MMRN2: variants seen among roughly 807,000 people sequenced by gnomAD.
The protein encoded by MMRN2 is multimerin 2.
Under a neutral mutation model 68.8 loss-of-function variants are expected in MMRN2, and 53 were observed. The ratio of observed to expected loss-of-function variants is 0.77; its 90% CI spans 0.62 to 0.97. MMRN2 has a LOEUF of 0.97. MMRN2 is among the 50% of genes least tolerant of loss of function. The pLI is 0.00. For synonymous variants in MMRN2, 564 were observed against 551.6 expected, an observed-to-expected ratio of 1.02 and a Z score of -0.32; for missense variants, 1,266 against 1,259.5, an observed-to-expected ratio of 1.01 and a Z score of -0.08.
chr10:86,957,452 AGAGAGGCTAGTACTG>A lies in MMRN2; in HGVS notation c.75_89del (p.Ser26_Ser30del). On this transcript the variant is annotated inframe_deletion, in exon 1 of 7. Coordinates refer to ENST00000372027, the MANE Select transcript of MMRN2 (RefSeq NM_024756.3). ...CAGGTGTCCTGGAGCTCTGCAGATCAGAGAGGCTAGTACTGGAAGCCTGGGCCCATGCCCCCAGCA... is the reference window on the plus strand; with the variant it reads ...CAGGTGTCCTGGAGCTCTGCAGATCAGAAGCCTGGGCCCATGCCCCCAGCA... 1 of 1,613,722 alleles carries A rather than the reference AGAGAGGCTAGTACTG, an allele frequency of 6.2e-7. No individual in the cohort carries two copies. The highest frequency in any genetic ancestry group is 1.1e-5 in the South Asian group (1 of 91,080).
In MMRN2 at chr10:86,945,410, C is replaced by A; in HGVS notation, c.360G>T (p.Arg120Ser). ...KQKVLTSLAW[R>S]CCPGYTGPNC... ...TGGGGCCCGTGTAGCCAGGGCAGCA[C>A]CTCCAGGCCAAAGAGGTCAGCACCT... Residue 120 changes from arginine to serine, a missense_variant, in exon 3 of 7, where the codon AGG (arginine) becomes AGT (serine). Arg to Ser is a moderately radical substitution (Grantham distance 110). Transcript: ENST00000372027. 1.3e-6 allele frequency: 2 copies of A among 1,581,850 alleles called. No homozygotes were observed. The highest frequency in any genetic ancestry group is 8.6e-7 in the Non-Finnish European group (1 of 1,162,858).
rs760475843 is a variant in MMRN2, at chr10:86,942,334, G to A, written c.2450C>T (p.Ala817Val). The A allele has an allele frequency of 5.2e-5, 83 of 1,611,260 alleles. No individual in the cohort carries two copies. Among genetic ancestry groups the A allele is most frequent in the Non-Finnish European group, 6.7e-5 (79 of 1,178,250 alleles). The change falls in exon 6 of 7, where the codon GCG (alanine) becomes GTG (valine). Residue 817 changes from alanine to valine, a missense_variant. Physicochemically the swap from Ala to Val is moderately conservative, Grantham distance 64 (BLOSUM62 0). Transcript: ENST00000372027. Reference protein sequence around the residue: ...VTGPVPGALGAALWEAGSPVA... With the variant: ...VTGPVPGALGVALWEAGSPVA... ...GAACTCACCTGCCTCCCAGAGCGCC[G>A]CGCCCAAGGCACCTGGCACAGGCCC...
At chr10:86,947,399 G>A (rs1844084999) in intron 1 of MMRN2, among the ~76,000 whole-genome samples, 1 of 151,594 alleles carries the variant, frequency 6.6e-6, no homozygotes, top group African/African-American at 2.4e-5. Context: ...ACGGAGTCTC[G>A]CACTGTCGCT....
In MMRN2 at chr10:86,943,345, C is replaced by A; in HGVS notation, c.1439G>T (p.Gly480Val). 1 of 1,614,002 alleles carries A rather than the reference C, an allele frequency of 6.2e-7. No homozygotes were observed. The highest frequency in any genetic ancestry group is 8.5e-7 in the Non-Finnish European group (1 of 1,180,012). ...ELNLTLQHLQ[G>V]GHADLIKYVK... ...GTACTTGATGAGGTCGGCATGGCCA[C>A]CCTGCAGGTGCTGCAGCGTGAGGTT... Residue 480 changes from glycine to valine, a missense_variant, in exon 6 of 7, where the codon GGT (glycine) becomes GTT (valine). By Grantham distance (109) the Gly-to-Val change is moderately radical. Coordinates refer to ENST00000372027, the MANE Select transcript of MMRN2 (RefSeq NM_024756.3). The surrounding 1 kb of genome is among the most constrained non-coding windows in gnomAD (Gnocchi z 4.2).
At chr10:86,942,177 C>T in intron 6 of MMRN2, 140 bp downstream of exon 6, 1 of 1,010,058 alleles carries the variant, frequency 9.9e-7, no homozygotes, top group Non-Finnish European at 1.4e-6. Context: ...GCAGGTGGGC[C>T]AAGGGGAAGG....
chr10:86,955,663 C>A (rs1844211515), intron 1 of MMRN2, among the ~76,000 whole-genome samples: 1 of 152,244 alleles, frequency 6.6e-6, no homozygotes, highest in African/African-American at 2.4e-5. Context: ...ACGCTTCCAC[C>A]TCCCTGGTCA....
chr10:86,946,704 G>A (rs954981252), intron 1 of MMRN2, among the ~76,000 whole-genome samples: 9 of 152,170 alleles, frequency 5.9e-5, no homozygotes, highest in African/African-American at 1.2e-4. Flanking sequence ...AACAGAGCTC[G>A]TCAGAGTTGA....
chr10:86,936,718 T>C lies in MMRN2; in HGVS notation c.*25A>G, dbSNP rs1325502181. On this transcript the variant is annotated 3_prime_UTR_variant, in exon 7 of 7. Transcript: ENST00000372027. ...CGAGGAGAGCTGGGCGAGTCCATGA[T>C]GTCTGATCAGATTGGGGCTGGGGTT... 1.9e-6 allele frequency: 3 copies of C among 1,610,922 alleles called. No individual in the cohort carries two copies. Among genetic ancestry groups the C allele is most frequent in the Admixed American group, 1.7e-5 (1 of 59,934 alleles).
At chr10:86,948,882 G>A (rs1242430218) in intron 1 of MMRN2, 1 of 152,232 alleles carries the variant, frequency 6.6e-6, no homozygotes, top group African/African-American at 2.4e-5. Flanking sequence ...CGTGAGCCCA[G>A]GAGGTTGAGG....
In MMRN2 at chr10:86,937,013, G is replaced by A; in HGVS notation, c.2580C>T (p.Gly860=). 1.9e-6 allele frequency: 3 copies of A among 1,614,236 alleles called. No individual in the cohort carries two copies. In the East Asian group the frequency reaches 6.7e-5, roughly 36 times the overall value. ...CACCACGCTCAGGGGCTCGGAAGTA[G>A]CCATGTTCAGGGAAGTAGCTGCTGC... is the stretch of plus-strand genomic sequence containing the variant. The part of the protein sequence containing the change: ...NIGSSYFPEH[G]YFRAPERGVY... The change falls in exon 7 of 7, where the codon GGC becomes GGT. Residue 860 remains glycine (G), a synonymous_variant. Coordinates refer to ENST00000372027, the MANE Select transcript of MMRN2 (RefSeq NM_024756.3).
intron 6 of MMRN2, among the ~76,000 whole-genome samples, chr10:86,939,671 C>T (rs1402430676): frequency 6.6e-6 from 1 of 151,646 alleles, no homozygotes; most frequent in African/African-American, 2.4e-5. Context: ...AGAGAGAGAC[C>T]CCCACCCCAA....
rs908550954 is a variant in MMRN2 at position 86,943,993 on chromosome 10, A to C, written c.791T>G (p.Leu264Arg). 7 of 1,613,986 alleles carry C rather than the reference A, an allele frequency of 4.3e-6. No individual in the cohort carries two copies. The African/African-American group carries it at 9.3e-5, about 22-fold the overall frequency. The change falls in exon 6 of 7, where the codon CTT becomes CGT. Residue 264 changes from leucine to arginine, a missense_variant. Physicochemically the swap from Leu to Arg is moderately radical, Grantham distance 102 (BLOSUM62 -2). Transcript: ENST00000372027. The surrounding 1 kb of genome is among the most constrained non-coding windows in gnomAD (Gnocchi z 4.2). ...GGCCTGGCGGTTGGCCTCCACGTCA[A>C]GAGACAGGTTTCTTATGGCCTGGGT... ...SLTQAIRNLS[L>R]DVEANRQAIS...
In MMRN2 at chr10:86,943,356, C is replaced by T. The variant is rs1381830435; in HGVS notation, c.1428G>A (p.Gln476=). The stretch of plus-strand genomic sequence containing the variant: ...GGTCGGCATGGCCACCCTGCAGGTG[C>T]TGCAGCGTGAGGTTGAGCTCCAGGA... ...RQLLELNLTL[Q]HLQGGHADLI... The change falls in exon 6 of 7, where the codon CAG becomes CAA. Residue 476 remains glutamine, a synonymous_variant. Coordinates refer to ENST00000372027, the MANE Select transcript of MMRN2 (RefSeq NM_024756.3). The surrounding 1 kb of genome is among the most constrained non-coding windows in gnomAD (Gnocchi z 4.2). 6.2e-7 allele frequency: 1 copy of T among 1,614,022 alleles called. No homozygotes were observed. Among genetic ancestry groups the T allele is most frequent in the Non-Finnish European group, 8.5e-7 (1 of 1,180,020 alleles).
intron 1 of MMRN2, among the ~76,000 whole-genome samples, chr10:86,951,099 A>G (rs1003577872): frequency 6.6e-6 from 1 of 152,178 alleles, no homozygotes; most frequent in African/African-American, 2.4e-5. Context: ...AAAGAAAAAA[A>G]AAGATAATGC....
rs149218081 is a variant in MMRN2, at chr10:86,952,764, A to T, written c.164+4614T>A. On this transcript the variant is annotated intron_variant, in intron 1 of 6. Coordinates refer to ENST00000372027, the MANE Select transcript of MMRN2 (RefSeq NM_024756.3). ...TTGTCTTGATAAACATCTTAACAGAAAACAGGGTTTGAGAGCAGAGAACCA... is the reference window on the plus strand; with the variant it reads ...TTGTCTTGATAAACATCTTAACAGATAACAGGGTTTGAGAGCAGAGAACCA... Among the ~76,000 whole-genome samples the T allele has an allele frequency of 2.4e-3, 364 of 152,278 alleles. 2 individuals are homozygous for T. Among genetic ancestry groups the T allele is most frequent in the Middle Eastern group, 0.014 (4 of 294 alleles).
intron 1 of MMRN2, among the ~76,000 whole-genome samples, chr10:86,952,861 G>C (rs1844163700): frequency 6.6e-6 from 1 of 152,118 alleles, no homozygotes; most frequent in Non-Finnish European, 1.5e-5. Context: ...AGGAGACCAG[G>C]GCATATCTCA....
At chr10:86,939,483 A>T (rs1843927713) in intron 6 of MMRN2, among the ~76,000 whole-genome samples, 1 of 151,122 alleles carries the variant, frequency 6.6e-6, no homozygotes, top group Admixed American at 6.6e-5. Flanking sequence ...AAAAAAAAAA[A>T]AAAAAAAAAA....
At chr10:86,948,059 C>A (rs1248404332) in intron 1 of MMRN2, among the ~76,000 whole-genome samples, 1 of 151,662 alleles carries the variant, frequency 6.6e-6, no homozygotes, top group Non-Finnish European at 1.5e-5. Context: ...CGTAGTGAGA[C>A]CTCATCCCTA....
At chr10:86,957,143 C>T (rs931153409) in intron 1 of MMRN2, among the ~76,000 whole-genome samples, 16 of 152,238 alleles carry the variant, frequency 1.1e-4, no homozygotes, top group African/African-American at 3.4e-4. Flanking sequence ...TCCCTGCCAG[C>T]CCCCCAAGCC....
Sources: gnomAD v4.1 joint callset for allele counts (sites outside exome capture counted in the v4.1 genomes callset) on GRCh38, gnomAD v4.1.1 for gene constraint, Gnocchi (gnomAD v3.1) non-coding constraint, MANE v1.5 for transcripts, NCBI Gene and HGNC (gene_info 2026-07-23, HGNC 2026-07-21) for gene names.